Variants in CPA6 observed in about 807,000 individuals in gnomAD.
CPA6 encodes the protein carboxypeptidase A6.
Under a neutral mutation model 63.3 loss-of-function variants are expected in CPA6, and 58 were observed. The ratio of observed to expected loss-of-function variants is 0.92; its 90% CI spans 0.74 to 1.14. The LOEUF (loss-of-function observed/expected upper bound fraction) is 1.14, where lower values mean the gene tolerates loss of function less well. Ranked by LOEUF, CPA6 falls within the 50% of genes most tolerant of loss-of-function variation. The probability of loss-of-function intolerance (pLI) is 0.00; values close to 1 mark genes in which losing one functional copy is unlikely to be tolerated. For synonymous variants in CPA6, 185 were observed against 179.0 expected, an observed-to-expected ratio of 1.03 and a Z score of -0.27; for missense variants, 565 against 526.6, an observed-to-expected ratio of 1.07 and a Z score of -0.71.
intron 9 of CPA6, among the ~76,000 whole-genome samples, chr8:67,430,159 GTGTGTGTGTGTGTA>G (rs1367606260): frequency 1.4e-5 from 2 of 144,564 alleles, no homozygotes; most frequent in South Asian, 2.1e-4. Context: ...GTGTGTGTGT[GTGTGTGTGTGTGTA>G]TATATTTTGT....
intron 1 of CPA6, among the ~76,000 whole-genome samples, chr8:67,660,918 C>T (rs1816094150): frequency 6.6e-6 from 1 of 152,166 alleles, no homozygotes; most frequent in Admixed American, 6.5e-5. Context: ...TCTGGGATTA[C>T]TGTTGACCTA....
rs72657203 is a variant in CPA6, at chr8:67,500,428, T to A, written c.636+6359A>T. ...AAGTTTTGAGTTTATATATTCCAAA[T>A]GAGTCTTTTATTAGATCTGTGATTT... is the stretch of plus-strand genomic sequence containing the variant. On this transcript the variant is annotated intron_variant, in intron 6 of 10. Coordinates refer to ENST00000297770, the MANE Select transcript of CPA6 (RefSeq NM_020361.5). 9.5e-3 allele frequency among the ~76,000 whole-genome samples: 1,444 copies of A among 152,314 alleles called. 9 individuals carry two copies. Among genetic ancestry groups the A allele is most frequent in the Non-Finnish European group, 0.015 (1,046 of 68,012 alleles).
At chr8:67,698,677 C>T (rs1489791242) in intron 1 of CPA6, among the ~76,000 whole-genome samples, 1 of 152,158 alleles carries the variant, frequency 6.6e-6, no homozygotes, top group Non-Finnish European at 1.5e-5. Context: ...CATGAGGTCT[C>T]CTCTCCCCAA....
Position 67,603,219 on chromosome 8 carries a change from G to A in CPA6, c.192+20957C>T, listed in dbSNP as rs995991630. 8.5e-5 allele frequency among the ~76,000 whole-genome samples: 13 copies of A among 152,154 alleles called. No homozygotes were observed. The East Asian group carries it at 2.1e-3, about 25-fold the overall frequency. On this transcript the variant is annotated intron_variant, in intron 2 of 10. Coordinates refer to ENST00000297770, the MANE Select transcript of CPA6 (RefSeq NM_020361.5). ...TATTCTTGAAATGTTTCCAAATTAA[G>A]TACAGGAGGTTACTTTCAGCTTTCA... is the stretch of plus-strand genomic sequence containing the variant.
intron 1 of CPA6, among the ~76,000 whole-genome samples, chr8:67,698,261 G>A (rs1428344430): frequency 6.6e-6 from 1 of 152,162 alleles, no homozygotes; most frequent in African/African-American, 2.4e-5. Context: ...ATATAAAAAT[G>A]CTGATTTCGA....
At chr8:67,534,981 G>A (rs776121054) in intron 2 of CPA6, among the ~76,000 whole-genome samples, 3 of 151,620 alleles carry the variant, frequency 2.0e-5, no homozygotes, top group African/African-American at 2.4e-5. Context: ...CTGTTCCTGC[G>A]TTAGACTGCT....
chr8:67,710,523 T>C (rs1337435172), intron 1 of CPA6, among the ~76,000 whole-genome samples: 2 of 151,960 alleles, frequency 1.3e-5, no homozygotes, highest in African/African-American at 2.4e-5. Flanking sequence ...TGGCATGTGA[T>C]GTTATACCAG....
At chr8:67,698,731 C>G (rs1445383560) in intron 1 of CPA6, among the ~76,000 whole-genome samples, 1 of 152,140 alleles carries the variant, frequency 6.6e-6, no homozygotes, top group East Asian at 1.9e-4. Flanking sequence ...TTTTTTAAAC[C>G]CTTTTTGTCA....
intron 10 of CPA6, among the ~76,000 whole-genome samples, chr8:67,426,178 C>T (rs1587410998): frequency 1.3e-5 from 2 of 152,170 alleles, no homozygotes; most frequent in Middle Eastern, 3.4e-3. Flanking sequence ...CATGTTGGCC[C>T]GGCTGGTCTA....
At chr8:67,481,375 G>A (rs761352031) in intron 8 of CPA6, among the ~76,000 whole-genome samples, 25 of 152,122 alleles carry the variant, frequency 1.6e-4, no homozygotes, top group Non-Finnish European at 3.2e-4. Flanking sequence ...CTGACTTGTC[G>A]AGTCCTTCTG....
In CPA6 at chr8:67,511,592, G is replaced by A. The variant is rs1364148930; in HGVS notation, c.381C>T (p.Asn127=). ...EKGSSLHTQR[N]RRSLSGYNYE... is the part of the protein sequence containing the mutation. ...AATTATATCCAGAGAGGGATCTTCG[G>A]TTTCTCTGGGTGTGCAAGCTGCTTC... The change falls in exon 4 of 11, where the codon AAC becomes AAT. Residue 127 remains asparagine (N), a synonymous_variant. Coordinates refer to ENST00000297770, the MANE Select transcript of CPA6 (RefSeq NM_020361.5). The A allele has an allele frequency of 1.9e-6, 3 of 1,612,424 alleles. No individual in the cohort carries two copies. The highest frequency in any genetic ancestry group is 1.7e-5 in the Admixed American group (1 of 60,006).
intron 2 of CPA6, among the ~76,000 whole-genome samples, chr8:67,604,943 T>A (rs1442804551): frequency 6.6e-6 from 1 of 151,862 alleles, no homozygotes; most frequent in South Asian, 2.1e-4. Context: ...ATGCCTAATT[T>A]TTTTTTGTAT....
At chr8:67,594,486 C>T (rs937463401) in intron 2 of CPA6, among the ~76,000 whole-genome samples, 5 of 152,200 alleles carry the variant, frequency 3.3e-5, no homozygotes, top group African/African-American at 1.2e-4. Context: ...TGTTTTCCAT[C>T]TTGGTTCCAT....
intron 8 of CPA6, among the ~76,000 whole-genome samples, chr8:67,454,157 A>G (rs1563959173): frequency 6.6e-6 from 1 of 152,254 alleles, no homozygotes; most frequent in Non-Finnish European, 1.5e-5. Context: ...TAAAATCAGA[A>G]TCCTGAATGG....
intron 2 of CPA6, among the ~76,000 whole-genome samples, chr8:67,614,082 C>T (rs895903104): frequency 1.3e-5 from 2 of 152,152 alleles, no homozygotes; most frequent in Admixed American, 6.5e-5. Context: ...GGCAAGAGCT[C>T]GAGATACAGA....
intron 1 of CPA6, among the ~76,000 whole-genome samples, chr8:67,737,209 C>T (rs1817829357): frequency 6.6e-6 from 1 of 152,192 alleles, no homozygotes; most frequent in Non-Finnish European, 1.5e-5. Flanking sequence ...CCTCCTGACT[C>T]CCTCAGAGAA....
rs142928838 is a variant in CPA6, at chr8:67,671,991, A to C, written c.117-47740T>G. ...ATTACAGGTGCGCACCACCACAGCC[A>C]GCTAATTTTTGTATTTTTAGTAGAG... is the stretch of plus-strand genomic sequence containing the variant. On this transcript the variant is annotated intron_variant, in intron 1 of 10. Transcript: ENST00000297770. Among the ~76,000 whole-genome samples, 1,032 of 152,052 alleles carry C rather than the reference A, an allele frequency of 6.8e-3. 7 individuals are homozygous for C. Among genetic ancestry groups the C allele is most frequent in the African/African-American group, 0.023 (974 of 41,484 alleles).
intron 2 of CPA6, among the ~76,000 whole-genome samples, chr8:67,530,856 G>A (rs577736743): frequency 6.6e-6 from 1 of 152,306 alleles, no homozygotes; most frequent in East Asian, 1.9e-4. Flanking sequence ...GAACTTTGTA[G>A]TAATAAATGC....
intron 1 of CPA6, among the ~76,000 whole-genome samples, chr8:67,632,608 A>C (rs1403657650): frequency 6.6e-6 from 1 of 152,190 alleles, no homozygotes; most frequent in African/African-American, 2.4e-5. Context: ...CACTGCACCA[A>C]GCCTCATGTT....
Sources: gnomAD v4.1 joint callset for allele counts (sites outside exome capture counted in the v4.1 genomes callset) on GRCh38, gnomAD v4.1.1 for gene constraint, MANE v1.5 for transcripts, NCBI Gene and HGNC (gene_info 2026-07-23, HGNC 2026-07-21) for gene names.